Variants in AADAT observed in about 807,000 individuals in gnomAD.
The protein encoded by AADAT is aminoadipate aminotransferase, also known as kynurenine/alpha-aminoadipate aminotransferase, mitochondrial.
In AADAT, 25 loss-of-function variants were observed where a neutral mutation model predicts 56.2. That is an observed-to-expected ratio of 0.44 (90% CI 0.32 to 0.62). The LOEUF is 0.62. Among genes scored for constraint, AADAT ranks in the 20% least tolerant of loss-of-function variants. The pLI is 0.04. For missense variants in AADAT, 387 were observed against 510.5 expected (o/e 0.76, Z 2.33); for synonymous variants, 173 against 164.7 (o/e 1.05, Z -0.39).
intron 4 of AADAT, among the ~76,000 whole-genome samples, chr4:170,076,806 A>G (rs1273734329): frequency 1.3e-5 from 2 of 151,588 alleles, no homozygotes; most frequent in Non-Finnish European, 2.9e-5. Flanking sequence ...AAGGTCATAA[A>G]AATTTGCCCT....
intron 11 of AADAT, among the ~76,000 whole-genome samples, chr4:170,062,549 G>C (rs915154472): frequency 6.6e-6 from 1 of 152,146 alleles, no homozygotes; most frequent in Non-Finnish European, 1.5e-5. Flanking sequence ...AGAAATAAAA[G>C]TATTAAATAA....
chr4:170,071,496 A>C (rs2111166787), intron 5 of AADAT, among the ~76,000 whole-genome samples: 1 of 152,306 alleles, frequency 6.6e-6, no homozygotes, highest in South Asian at 2.1e-4. Flanking sequence ...ATAAGAGAGA[A>C]GGCTTGAGAA....
rs1731154803 is a variant in AADAT, at chr4:170,060,824, A to T, written c.*104T>A. 2 of 906,008 alleles carry T rather than the reference A, an allele frequency of 2.2e-6. No homozygotes were observed. The highest frequency in any genetic ancestry group is 2.8e-5 in the Admixed American group (1 of 36,036). 56.1% of individuals were successfully genotyped at this position (906,008 alleles called of 1,614,324 possible). A position where few individuals can be genotyped will look rare whatever the true frequency, so the allele number is the denominator to read the frequency against. ...GAGTGCAGTGGTGTGATCGTAGCTT[A>T]CTGCAGCCTTGAATTCCTGGGTTCA... On this transcript the variant is annotated 3_prime_UTR_variant, in exon 13 of 13. Coordinates refer to ENST00000337664, the MANE Select transcript of AADAT (RefSeq NM_016228.4).
At chr4:170,072,713 G>A (rs527453199) in intron 5 of AADAT, among the ~76,000 whole-genome samples, 42 of 152,158 alleles carry the variant, frequency 2.8e-4, no homozygotes, top group African/African-American at 8.4e-4. Context: ...AGGCATCATC[G>A]GTATCTCAAA....
intron 5 of AADAT, 122 bp downstream of exon 5, chr4:170,073,014 T>C: frequency 1.1e-6 from 1 of 884,336 alleles, no homozygotes; most frequent in Non-Finnish European, 1.7e-6. Context: ...TGATTTCCTT[T>C]TATTAAAAAT....
intron 1 of AADAT, 45 bp from the exon 2 acceptor site, chr4:170,088,609 T>C: frequency 6.4e-7 from 1 of 1,569,696 alleles, no homozygotes; most frequent in Non-Finnish European, 8.7e-7. Flanking sequence ...TTGAAGATTG[T>C]TATAAGCGGA....
At chr4:170,063,180 AG>A (rs1245428750) in intron 11 of AADAT, among the ~76,000 whole-genome samples, 1 of 152,218 alleles carries the variant, frequency 6.6e-6, no homozygotes, top group Non-Finnish European at 1.5e-5. Context: ...CATTTCTCTC[AG>A]TAGCATGGAA....
chr4:170,088,872 G>A (rs1225581531), intron 1 of AADAT, among the ~76,000 whole-genome samples: 8 of 152,112 alleles, frequency 5.3e-5, no homozygotes, highest in Non-Finnish European at 1.0e-4. Context: ...GAGGACATAG[G>A]TTCTCCCTTC....
intron 4 of AADAT, 129 bp downstream of exon 4, chr4:170,078,380 T>G: frequency 1.9e-6 from 1 of 525,898 alleles, no homozygotes; most frequent in Non-Finnish European, 3.2e-6. Flanking sequence ...TTCATTTTTC[T>G]GTGGACAGAT....
At chr4:170,087,456 A>C (rs1732618574) in intron 2 of AADAT, among the ~76,000 whole-genome samples, 1 of 152,214 alleles carries the variant, frequency 6.6e-6, no homozygotes, top group African/African-American at 2.4e-5. Context: ...ATTCAGCCAG[A>C]AATTCTCAGA....
chr4:170,067,268 G>T, intron 9 of AADAT, 59 bp downstream of exon 9: 1 of 1,284,716 alleles, frequency 7.8e-7, no homozygotes, highest in Non-Finnish European at 1.1e-6. Context: ...TAGGTGATCT[G>T]TACTATGTTC....
chr4:170,087,949 A>AATGAATGACTATATTCAATGTATT (rs1732641593), intron 2 of AADAT, among the ~76,000 whole-genome samples: 1 of 150,866 alleles, frequency 6.6e-6, no homozygotes, highest in East Asian at 2.0e-4. Flanking sequence ...AGACTATAGA[A>AATGAATGACTATATTCAATGTATT]TGAAGAAACG....
chr4:170,068,345 T>G (rs543724226), intron 8 of AADAT, among the ~76,000 whole-genome samples: 1 of 152,202 alleles, frequency 6.6e-6, no homozygotes, highest in South Asian at 2.1e-4. Context: ...AGAGGTTGTG[T>G]TACAGACGGA....
chr4:170,063,388 C>A (rs1408868057), intron 11 of AADAT, among the ~76,000 whole-genome samples: 2 of 152,174 alleles, frequency 1.3e-5, no homozygotes, highest in Non-Finnish European at 2.9e-5. Flanking sequence ...AAAACAAAGT[C>A]TATATCCTTA....
At chr4:170,091,730 A>C (rs1732846435), upstream of AADAT, 1 of 152,342 alleles carries the variant, frequency 6.6e-6, no homozygotes, top group African/African-American at 2.4e-5. Context: ...CTTTATGTCT[A>C]GCTAAGGGAT....
intron 3 of AADAT, among the ~76,000 whole-genome samples, 174 bp from the exon 4 acceptor site, chr4:170,078,757 T>C (rs1460570773): frequency 3.9e-5 from 6 of 152,216 alleles, no homozygotes; most frequent in African/African-American, 1.4e-4. Context: ...CTGTTGCAAC[T>C]ACCCTGCAAC....
In AADAT at chr4:170,089,915, CTG is replaced by C; in HGVS notation, c.-227_-226del. 2.1e-6 allele frequency: 1 copy of C among 477,290 alleles called. No individual in the cohort carries two copies. Among genetic ancestry groups the C allele is most frequent in the Non-Finnish European group, 3.7e-6 (1 of 270,670 alleles). The allele number at this position is 477,290 out of a possible 1,614,324, so 29.6% of individuals were successfully genotyped here. A position where few individuals can be genotyped will look rare whatever the true frequency, so the allele number is the denominator to read the frequency against. On this transcript the variant is annotated 5_prime_UTR_variant, in exon 1 of 13. Transcript: ENST00000337664. Reference sequence around the variant, plus strand: ...CTCCCGGTCCTAAACGGGTCTGGGGCTGTGTGGCGAGCCCGGCAAAGTCCACG... The same window carrying C: ...CTCCCGGTCCTAAACGGGTCTGGGGCTGTGGCGAGCCCGGCAAAGTCCACG...
chr4:170,079,666 G>A (rs2111192438), intron 3 of AADAT, among the ~76,000 whole-genome samples: 1 of 152,212 alleles, frequency 6.6e-6, no homozygotes, highest in African/African-American at 2.4e-5. Context: ...TGAGGAAGAG[G>A]AGGTGTCAAG....
intron 9 of AADAT, among the ~76,000 whole-genome samples, 191 bp from the exon 10 acceptor site, chr4:170,066,669 T>C (rs1376754479): frequency 6.6e-6 from 1 of 152,232 alleles, no homozygotes; most frequent in Non-Finnish European, 1.5e-5. Flanking sequence ...TTTTCCTTCA[T>C]TGTAGAATAA....
Sources: gnomAD v4.1 joint callset for allele counts (sites outside exome capture counted in the v4.1 genomes callset) on GRCh38, gnomAD v4.1.1 for gene constraint, MANE v1.5 for transcripts, NCBI Gene and HGNC (gene_info 2026-07-23, HGNC 2026-07-21) for gene names.